The following UBLCP1 variants were observed in gnomAD, a reference collection of about 807,000 sequenced individuals.
UBLCP1 encodes the protein ubiquitin-like domain-containing CTD phosphatase 1.
UBLCP1 carries 28 observed loss-of-function variants against 42.4 expected under a neutral mutation model. The ratio of observed to expected loss-of-function variants is 0.66; its 90% CI spans 0.49 to 0.90. The LOEUF is 0.90. UBLCP1 is among the 40% of genes least tolerant of loss of function. UBLCP1 has a pLI of 0.00. For synonymous variants in UBLCP1, 122 were observed against 120.8 expected (o/e 1.01, Z -0.07); for missense variants, 279 against 374.5 (o/e 0.75, Z 2.10).
intron 7 of UBLCP1, among the ~76,000 whole-genome samples, chr5:159,274,827 A>G (rs1201722372): frequency 6.6e-6 from 1 of 152,174 alleles, no homozygotes; most frequent in Non-Finnish European, 1.5e-5. Context: ...AAAAAGTATA[A>G]CTAAGCTTGT....
At chr5:159,267,836 G>A (rs887168348) in intron 1 of UBLCP1, among the ~76,000 whole-genome samples, 2 of 151,942 alleles carry the variant, frequency 1.3e-5, no homozygotes, top group Non-Finnish European at 2.9e-5. Flanking sequence ...AGTGCTTTTT[G>A]CCTTCCACCA....
intron 9 of UBLCP1, among the ~76,000 whole-genome samples, chr5:159,282,175 T>A (rs1045864637): frequency 1.1e-4 from 16 of 152,206 alleles, no homozygotes; most frequent in African/African-American, 3.9e-4. Flanking sequence ...TCATATCATA[T>A]TATCTAAAAT....
Position 159,278,363 on chromosome 5 carries a change from T to C in UBLCP1, c.801+9T>C. The C allele has an allele frequency of 1.3e-6, 2 of 1,556,162 alleles. No individual in the cohort carries two copies. Among genetic ancestry groups the C allele is most frequent in the South Asian group, 1.1e-5 (1 of 89,880 alleles). The stretch of plus-strand genomic sequence containing the variant: ...CACAGAATGGACTAAAGGTAAGACA[T>C]ACTTTTACTTGTTATGTGCTCATGT... On this transcript the variant is annotated intron_variant, in intron 9 of 10. Transcript: ENST00000296786.
intron 9 of UBLCP1, 132 bp from the exon 10 acceptor site, chr5:159,283,080 T>C (rs1753626778): frequency 1.1e-6 from 1 of 897,168 alleles, no homozygotes; most frequent in Non-Finnish European, 1.6e-6. Flanking sequence ...TAGGCTAATA[T>C]AAAAGTAATT....
chr5:159,282,922 C>T (rs1351642039), intron 9 of UBLCP1, among the ~76,000 whole-genome samples: 1 of 151,932 alleles, frequency 6.6e-6, no homozygotes, highest in Non-Finnish European at 1.5e-5. Flanking sequence ...GCGGGAAAGG[C>T]TAAGTAGTTT....
At chr5:159,278,414 T>C in intron 9 of UBLCP1, 60 bp downstream of exon 9, 2 of 1,121,630 alleles carry the variant, frequency 1.8e-6, no homozygotes, top group Non-Finnish European at 2.7e-6. Flanking sequence ...GTAGAACTTT[T>C]GTAGTAAGCA....
At chr5:159,268,130 AC>A (rs1753420520) in intron 1 of UBLCP1, among the ~76,000 whole-genome samples, 1 of 151,512 alleles carries the variant, frequency 6.6e-6, no homozygotes, top group African/African-American at 2.4e-5. Context: ...GGGAAAACTT[AC>A]CAAATTACTT....
rs70987962 is a variant in UBLCP1 at position 159,285,196 on chromosome 5, CCACACACACACACACA to C, written c.*298_*313del. The C allele has an allele frequency of 4.1e-4, 103 of 251,940 alleles. No homozygotes were observed. Among genetic ancestry groups the C allele is most frequent in the African/African-American group, 5.9e-4 (18 of 30,684 alleles). 15.6% of individuals were successfully genotyped at this position (251,940 alleles called of 1,614,324 possible). A position where few individuals can be genotyped will look rare whatever the true frequency, so the allele number is the denominator to read the frequency against. Reference sequence around the variant, plus strand: ...GGTTACTGACCACCCCACCCTCCCACCACACACACACACACACACACACACACACACACACACACAC... The same window carrying C: ...GGTTACTGACCACCCCACCCTCCCACCACACACACACACACACACACACAC... On this transcript the variant is annotated 3_prime_UTR_variant, in exon 11 of 11. Coordinates refer to ENST00000296786, the MANE Select transcript of UBLCP1 (RefSeq NM_145049.5).
chr5:159,267,741 A>T (rs1753416543), intron 1 of UBLCP1, among the ~76,000 whole-genome samples: 1 of 152,216 alleles, frequency 6.6e-6, no homozygotes, highest in African/African-American at 2.4e-5. Context: ...CATGACAATG[A>T]ATAAGTCTCA....
intron 9 of UBLCP1, among the ~76,000 whole-genome samples, chr5:159,279,165 C>G (rs1204824927): frequency 6.6e-6 from 1 of 152,154 alleles, no homozygotes; most frequent in Non-Finnish European, 1.5e-5. Flanking sequence ...ACTTTGGAAA[C>G]AGTCTGAGGT....
At chr5:159,284,379 A>G (rs1753645051) in intron 10 of UBLCP1, among the ~76,000 whole-genome samples, 1 of 152,224 alleles carries the variant, frequency 6.6e-6, no homozygotes, top group Admixed American at 6.5e-5. Context: ...TCTATTAAAC[A>G]ATATGAAAAA....
At chr5:159,270,706 TTG>T in intron 5 of UBLCP1, 63 bp downstream of exon 5, 3 of 1,142,942 alleles carry the variant, frequency 2.6e-6, no homozygotes, top group Admixed American at 2.8e-5. Flanking sequence ...TTTCTTTTCT[TTG>T]TTTTTTTTTT....
chr5:159,273,550 G>A (rs942502736), intron 6 of UBLCP1, among the ~76,000 whole-genome samples: 8 of 152,066 alleles, frequency 5.3e-5, no homozygotes, highest in African/African-American at 1.7e-4. Context: ...TATCAATATA[G>A]CAACTAGTAC....
In UBLCP1 at chr5:159,265,741, A is replaced by T. The variant is rs546175773; in HGVS notation, c.-47+2381A>T. Among the ~76,000 whole-genome samples, 36 of 152,304 alleles carry T rather than the reference A, an allele frequency of 2.4e-4. No individual in the cohort carries two copies. The East Asian group carries it at 6.7e-3, about 29-fold the overall frequency. On this transcript the variant is annotated intron_variant, in intron 1 of 10. Coordinates refer to ENST00000296786, the MANE Select transcript of UBLCP1 (RefSeq NM_145049.5). ...TTCCTCATTCTCTCTTGCCACTGCC[A>T]TGTAAGAAGTGCTTTTTACCTTCTG... is the stretch of plus-strand genomic sequence containing the variant.
rs1234454611 is a variant in UBLCP1, at chr5:159,269,954, A to G, written c.201A>G (p.Lys67=). 6.2e-7 allele frequency: 1 copy of G among 1,612,850 alleles called. No individual in the cohort carries two copies. Among genetic ancestry groups the G allele is most frequent in the South Asian group, 1.1e-5 (1 of 90,786 alleles). ...TTAAGCTTGGAGCTCTCAAACTGAAACCAAATACTAAAATCATGATGATGG... is the reference window on the plus strand; with the variant it reads ...TTAAGCTTGGAGCTCTCAAACTGAAGCCAAATACTAAAATCATGATGATGG... ...NDVKLGALKL[K]PNTKIMMMGT... is the part of the protein sequence containing the mutation. The change falls in exon 3 of 11, where the codon AAA becomes AAG. Residue 67 remains lysine, a synonymous_variant. Transcript: ENST00000296786.
At chr5:159,282,913 C>T (rs968199637) in intron 9 of UBLCP1, among the ~76,000 whole-genome samples, 2 of 151,732 alleles carry the variant, frequency 1.3e-5, no homozygotes, top group Non-Finnish European at 1.5e-5. Context: ...TGATAGGAGG[C>T]GGGAAAGGCT....
rs1370394140 is a variant in UBLCP1, at chr5:159,284,890, T to C, written c.930-14T>C. 6.2e-7 allele frequency: 1 copy of C among 1,612,736 alleles called. No individual in the cohort carries two copies. On this transcript the variant is annotated splice_polypyrimidine_tract_variant and intron_variant, in intron 10 of 10. Coordinates refer to ENST00000296786, the MANE Select transcript of UBLCP1 (RefSeq NM_145049.5). ...CATGATACAGCTTTGACATCTTTATTTTATTTCTTGCAGATATCTCTCAAA... is the reference window on the plus strand; with the variant it reads ...CATGATACAGCTTTGACATCTTTATCTTATTTCTTGCAGATATCTCTCAAA...
chr5:159,264,543 C>A (rs568352261), intron 1 of UBLCP1, among the ~76,000 whole-genome samples: 4 of 152,322 alleles, frequency 2.6e-5, no homozygotes, highest in Middle Eastern at 3.4e-3. Context: ...CTTGGAATTT[C>A]CACTTGTGGG....
chr5:159,277,971 T>G (rs1047541210), intron 8 of UBLCP1, among the ~76,000 whole-genome samples: 2 of 152,188 alleles, frequency 1.3e-5, no homozygotes, highest in African/African-American at 4.8e-5. Context: ...ATTTATTTAT[T>G]TTACCCAAAA....
Sources: gnomAD v4.1 joint callset for allele counts (sites outside exome capture counted in the v4.1 genomes callset) on GRCh38, gnomAD v4.1.1 for gene constraint, MANE v1.5 for transcripts, NCBI Gene and HGNC (gene_info 2026-07-23, HGNC 2026-07-21) for gene names.